Variants in MRPL13 observed in about 807,000 individuals in gnomAD.
MRPL13 encodes the protein mitochondrial ribosomal protein L13.
A neutral mutation model predicts 29.0 loss-of-function variants in MRPL13; 33 were observed. The ratio of observed to expected loss-of-function variants is 1.14; its 90% CI spans 0.86 to 1.52. The LOEUF (loss-of-function observed/expected upper bound fraction) is 1.52, where lower values mean the gene tolerates loss of function less well. Ranked by LOEUF, MRPL13 falls within the 40% of genes most tolerant of loss-of-function variation. MRPL13 has a pLI of 0.00. For synonymous variants in MRPL13, 77 were observed against 68.4 expected, an observed-to-expected ratio of 1.13 and a Z score of -0.62; for missense variants, 227 against 216.7, an observed-to-expected ratio of 1.05 and a Z score of -0.30.
chr8:120,407,637 A>G (rs1207762366), intron 6 of MRPL13, among the ~76,000 whole-genome samples: 1 of 148,944 alleles, frequency 6.7e-6, no homozygotes, highest in Non-Finnish European at 1.5e-5. Flanking sequence ...CAAAAAGAGC[A>G]AAACTCCATC....
chr8:120,426,189 T>C (rs1185810183), intron 3 of MRPL13, among the ~76,000 whole-genome samples: 1 of 152,162 alleles, frequency 6.6e-6, no homozygotes, highest in African/African-American at 2.4e-5. Context: ...AGGTTCTATT[T>C]TCCTAAACAG....
At chr8:120,425,814 T>A (rs897621156) in intron 3 of MRPL13, among the ~76,000 whole-genome samples, 12 of 152,302 alleles carry the variant, frequency 7.9e-5, no homozygotes, top group Middle Eastern at 6.8e-3. Flanking sequence ...CCAGTAATCA[T>A]GTTTCTTCTT....
chr8:120,403,011 A>C (rs573446278), intron 6 of MRPL13, among the ~76,000 whole-genome samples: 166 of 152,308 alleles, frequency 1.1e-3, no homozygotes, highest in Non-Finnish European at 1.8e-3. Flanking sequence ...AGATGCTGGC[A>C]AAGTTGTGGA....
intron 6 of MRPL13, among the ~76,000 whole-genome samples, chr8:120,397,044 A>C (rs1241604779): frequency 2.6e-5 from 4 of 152,164 alleles, no homozygotes; most frequent in Non-Finnish European, 4.4e-5. Context: ...GTGACTGCCC[A>C]CCTGGGAGTG....
At position 120,436,034 on chromosome 8, in the gene MRPL13, T is replaced by G. The variant is rs866443765; in HGVS notation, c.152-3911A>C. On this transcript the variant is annotated intron_variant, in intron 2 of 6. Coordinates refer to ENST00000306185, the MANE Select transcript of MRPL13 (RefSeq NM_014078.6). ...CAAAGAAATTCTTGTTAATCAATCT[T>G]ATGCTCTAGTTGAAAAGCCAGACAA... is the stretch of plus-strand genomic sequence containing the variant. Among the ~76,000 whole-genome samples, 10 of 152,208 alleles carry G rather than the reference T, an allele frequency of 6.6e-5. No homozygotes were observed. In the South Asian group the frequency reaches 1.9e-3, roughly 28 times the overall value.
chr8:120,432,119 G>C lies in MRPL13; in HGVS notation c.156C>G (p.Asp52Glu), dbSNP rs1200553295. 6.4e-7 allele frequency: 1 copy of C among 1,572,908 alleles called. No individual in the cohort carries two copies. The highest frequency in any genetic ancestry group is 8.6e-7 in the Non-Finnish European group (1 of 1,163,966). ...LHKPVYHALS[D>E]CGDHVVIMNT... ...TCATTATAACAACATGATCCCCACA[G>C]TCACCTACATTTTAAAAAGAAACAA... The change falls in exon 3 of 7, where the codon GAC becomes GAG. Residue 52 changes from aspartate to glutamate, a missense_variant. Asp to Glu is a conservative substitution (Grantham distance 45). Transcript: ENST00000306185.
At chr8:120,401,992 A>C (rs1246035233) in intron 6 of MRPL13, among the ~76,000 whole-genome samples, 1 of 152,232 alleles carries the variant, frequency 6.6e-6, no homozygotes, top group African/African-American at 2.4e-5. Flanking sequence ...GCTCAAGGAA[A>C]TCAGAGAGGA....
At chr8:120,407,693 CAAAAA>C (rs1469564287) in intron 6 of MRPL13, among the ~76,000 whole-genome samples, 2 of 148,114 alleles carry the variant, frequency 1.4e-5, no homozygotes, top group African/African-American at 2.6e-5. Context: ...CAAAACAAAA[CAAAAA>C]ATACATTATT....
intron 6 of MRPL13, among the ~76,000 whole-genome samples, chr8:120,402,204 G>A (rs544219827): frequency 6.6e-6 from 1 of 152,156 alleles, no homozygotes; most frequent in Non-Finnish European, 1.5e-5. Context: ...ACAATCCTAA[G>A]CAAAAAGAAC....
chr8:120,402,632 G>C (rs187016103), intron 6 of MRPL13, among the ~76,000 whole-genome samples: 1 of 152,130 alleles, frequency 6.6e-6, no homozygotes, highest in Non-Finnish European at 1.5e-5. Context: ...TACAACAAAA[G>C]CATAAATTGA....
chr8:120,432,153 A>G, intron 2 of MRPL13, 30 bp from the exon 3 acceptor site: 1 of 1,517,038 alleles, frequency 6.6e-7, no homozygotes, highest in Non-Finnish European at 8.9e-7. Flanking sequence ...AAGATTTTGT[A>G]AGAAAAATAA....
At chr8:120,420,907 C>G (rs888936933) in intron 4 of MRPL13, among the ~76,000 whole-genome samples, 12 of 151,692 alleles carry the variant, frequency 7.9e-5, no homozygotes, top group African/African-American at 2.9e-4. Context: ...TTAGAAAATG[C>G]AAACTCCACA....
intron 1 of MRPL13, among the ~76,000 whole-genome samples, chr8:120,444,594 C>T (rs577763325): frequency 1.3e-5 from 2 of 152,284 alleles, no homozygotes; most frequent in South Asian, 2.1e-4. Context: ...CTGTAACACC[C>T]TCCAAACATA....
chr8:120,422,509 GTTTTC>G (rs981479491), intron 4 of MRPL13, among the ~76,000 whole-genome samples: 7 of 149,492 alleles, frequency 4.7e-5, no homozygotes, highest in Admixed American at 4.0e-4. Flanking sequence ...TTTTCCATCT[GTTTTC>G]TATTAGTGTT....
At chr8:120,430,558 A>G (rs1812986299) in intron 3 of MRPL13, among the ~76,000 whole-genome samples, 1 of 152,212 alleles carries the variant, frequency 6.6e-6, no homozygotes, top group Non-Finnish European at 1.5e-5. Context: ...CGATGAGGAA[A>G]TAGCAAAGGT....
At chr8:120,443,378 T>G in intron 1 of MRPL13, 70 bp from the exon 2 acceptor site, 1 of 1,278,784 alleles carries the variant, frequency 7.8e-7, no homozygotes, top group Non-Finnish European at 1.0e-6. Flanking sequence ...GGAAATACAG[T>G]AATTAAATTT....
rs6650 is a variant in MRPL13 at position 120,395,956 on chromosome 8, T to C, written c.*148A>G. 0.61 allele frequency: 359,700 copies of C among 592,132 alleles called. 115,257 individuals are homozygous for C. Among genetic ancestry groups the C allele is most frequent in the Non-Finnish European group, 0.67 (224,524 of 335,390 alleles). The allele number at this position is 592,132 out of a possible 1,614,324, so 36.7% of individuals were successfully genotyped here. A position where few individuals can be genotyped will look rare whatever the true frequency, so the allele number is the denominator to read the frequency against. On this transcript the variant is annotated 3_prime_UTR_variant, in exon 7 of 7. Transcript: ENST00000306185. ...ATTACAATTTCCTATTGAAGGACTA[T>C]ACCTTCCTGACCTTTCCCCACAGTG...
At chr8:120,415,323 A>T (rs562900656) in intron 5 of MRPL13, 1 of 152,282 alleles carries the variant, frequency 6.6e-6, no homozygotes, top group South Asian at 2.1e-4. Flanking sequence ...GGAATTTTCG[A>T]TAAAAGGATT....
intron 6 of MRPL13, among the ~76,000 whole-genome samples, chr8:120,398,914 C>T (rs1044202964): frequency 1.3e-5 from 2 of 151,608 alleles, no homozygotes; most frequent in Non-Finnish European, 2.9e-5. Context: ...GACAGGCAGA[C>T]AATAATACAC....
Sources: gnomAD v4.1 joint callset for allele counts (sites outside exome capture counted in the v4.1 genomes callset) on GRCh38, gnomAD v4.1.1 for gene constraint, MANE v1.5 for transcripts, NCBI Gene and HGNC (gene_info 2026-07-23, HGNC 2026-07-21) for gene names.